Variants in ROCK1 observed in about 807,000 individuals in gnomAD.
ROCK1 encodes Rho associated coiled-coil containing protein kinase 1.
A neutral mutation model predicts 196.8 loss-of-function variants in ROCK1; 36 were observed. The ratio of observed to expected loss-of-function variants is 0.18; its 90% CI spans 0.14 to 0.24. The LOEUF is 0.24. Ranked by LOEUF, ROCK1 falls within the 10% of genes least tolerant of loss-of-function variation. The pLI, the probability that ROCK1 is intolerant of heterozygous loss-of-function variation, is 1.00. For synonymous variants in ROCK1, 443 were observed against 515.9 expected (o/e 0.86, Z 1.91); for missense variants, 920 against 1,562.0 (o/e 0.59, Z 6.93).
intron 9 of ROCK1, among the ~76,000 whole-genome samples, chr18:21,033,574 GA>G (rs1568389515): frequency 6.6e-6 from 1 of 151,836 alleles, no homozygotes; most frequent in Non-Finnish European, 1.5e-5. Flanking sequence ...TCCTATCATA[GA>G]AAACCCTAAA....
intron 13 of ROCK1, among the ~76,000 whole-genome samples, chr18:21,014,039 C>T (rs954411957): frequency 7.0e-6 from 1 of 142,860 alleles, no homozygotes; most frequent in Non-Finnish European, 1.5e-5. Flanking sequence ...GCACTCCAGC[C>T]TGGGAAAAAG....
intron 1 of ROCK1, among the ~76,000 whole-genome samples, chr18:21,071,826 C>T (rs541220219): frequency 1.3e-5 from 2 of 152,228 alleles, no homozygotes; most frequent in African/African-American, 4.8e-5. Context: ...GTTGGGAGAA[C>T]AAGTCACATA....
At chr18:21,063,874 T>A (rs1428599895) in intron 2 of ROCK1, among the ~76,000 whole-genome samples, 1 of 152,236 alleles carries the variant, frequency 6.6e-6, no homozygotes, top group Non-Finnish European at 1.5e-5. Flanking sequence ...TGGTTTATTA[T>A]AACCAGACCA....
chr18:21,025,284 A>G (rs538734906), intron 10 of ROCK1, among the ~76,000 whole-genome samples: 1 of 152,342 alleles, frequency 6.6e-6, no homozygotes, highest in South Asian at 2.1e-4. Context: ...ATCATGTTTA[A>G]TTCAGCTATA....
intron 11 of ROCK1, among the ~76,000 whole-genome samples, chr18:21,021,142 G>A (rs1270304164): frequency 6.6e-6 from 1 of 152,214 alleles, no homozygotes; most frequent in African/African-American, 2.4e-5. Flanking sequence ...TGACCAAACC[G>A]ACTGGAAGTT....
At chr18:21,076,561 T>C (rs1205031077) in intron 1 of ROCK1, among the ~76,000 whole-genome samples, 1 of 152,070 alleles carries the variant, frequency 6.6e-6, no homozygotes, top group African/African-American at 2.4e-5. Context: ...TGTGTGTACA[T>C]ATATATACAC....
At chr18:21,076,244 C>T (rs1342129515) in intron 1 of ROCK1, among the ~76,000 whole-genome samples, 2 of 152,164 alleles carry the variant, frequency 1.3e-5, no homozygotes, top group African/African-American at 4.8e-5. Context: ...TGGCTCATGC[C>T]TGTAATCCCA....
At chr18:21,085,289 G>A (rs1429850155) in intron 1 of ROCK1, among the ~76,000 whole-genome samples, 4 of 127,102 alleles carry the variant, frequency 3.1e-5, no homozygotes, top group African/African-American at 5.8e-5. Flanking sequence ...GGAAAGTGAA[G>A]TGGGAGGATC....
At chr18:21,070,415 G>C (rs2036373945) in intron 2 of ROCK1, 117 bp downstream of exon 2, 1 of 582,110 alleles carries the variant, frequency 1.7e-6, no homozygotes, top group Non-Finnish European at 3.0e-6. Flanking sequence ...ATTCTATGTA[G>C]AAATCATTGA....
At chr18:21,039,750 AT>A (rs1181317582) in intron 8 of ROCK1, among the ~76,000 whole-genome samples, 187 bp from the exon 9 acceptor site, 3 of 152,114 alleles carry the variant, frequency 2.0e-5, no homozygotes, top group Non-Finnish European at 4.4e-5. Flanking sequence ...ACATTAAAGA[AT>A]TTTTTTAAAA....
intron 1 of ROCK1, among the ~76,000 whole-genome samples, chr18:21,092,539 G>A (rs558060520): frequency 9.1e-5 from 12 of 131,808 alleles, no homozygotes; most frequent in Admixed American, 6.1e-4. Context: ...AGCCATGATC[G>A]CACCACTGCA....
intron 18 of ROCK1, among the ~76,000 whole-genome samples, chr18:20,987,876 A>G (rs2035590590): frequency 6.6e-6 from 1 of 152,168 alleles, no homozygotes; most frequent in Non-Finnish European, 1.5e-5. Flanking sequence ...GTTTAATCAA[A>G]CACAAATCCA....
intron 10 of ROCK1, among the ~76,000 whole-genome samples, chr18:21,027,071 T>C (rs1046190019): frequency 2.0e-5 from 3 of 151,960 alleles, no homozygotes; most frequent in East Asian, 3.9e-4. Context: ...CCCAAGTAGC[T>C]GGGATTACAG....
rs11334095 is a variant in ROCK1, at chr18:20,961,818, CTTTTT to C, written c.3353-1617_3353-1613del. On this transcript the variant is annotated intron_variant, in intron 27 of 32. Coordinates refer to ENST00000399799, the MANE Select transcript of ROCK1 (RefSeq NM_005406.3). ...TCTTCTCCCAACATTTTTCTTTTTC[CTTTTT>C]TTTTTTTTTTTTTTTTGACATGAAG... Among the ~76,000 whole-genome samples, 3 of 117,196 alleles carry C rather than the reference CTTTTT, an allele frequency of 2.6e-5. No homozygotes were observed. In the South Asian group the frequency reaches 8.2e-4, roughly 32 times the overall value. The allele number at this position is 117,196 out of a possible 152,430, so 76.9% of individuals were successfully genotyped here. A position where few individuals can be genotyped will look rare whatever the true frequency, so the allele number is the denominator to read the frequency against.
intron 1 of ROCK1, among the ~76,000 whole-genome samples, chr18:21,104,097 T>C (rs188264161): frequency 1.2e-3 from 176 of 152,334 alleles, no homozygotes; most frequent in African/African-American, 4.0e-3. Flanking sequence ...TCTTCAGCAA[T>C]AGAACTCTAT....
chr18:21,092,376 G>A (rs1449246283), intron 1 of ROCK1, among the ~76,000 whole-genome samples: 3 of 152,042 alleles, frequency 2.0e-5, no homozygotes, highest in Admixed American at 2.0e-4. Context: ...GAGCCCAGGA[G>A]TTCAAGACCA....
At chr18:20,993,437 G>A (rs1178522275) in intron 16 of ROCK1, among the ~76,000 whole-genome samples, 6 of 152,140 alleles carry the variant, frequency 3.9e-5, no homozygotes, top group South Asian at 2.1e-4. Context: ...CCCTGACCTC[G>A]TGATCCGCCT....
intron 1 of ROCK1, among the ~76,000 whole-genome samples, chr18:21,086,332 G>A (rs1446270547): frequency 3.9e-5 from 6 of 152,012 alleles, no homozygotes; most frequent in East Asian, 1.9e-4. Context: ...GGCTGGTCTC[G>A]AACTCCCGAC....
At position 20,970,341 on chromosome 18, in the gene ROCK1, C is replaced by T. The variant is rs1045842715; in HGVS notation, c.2820+7G>A. On this transcript the variant is annotated splice_region_variant and intron_variant, in intron 23 of 32. Transcript: ENST00000399799. ...TTTTATATAACTTACCTGACTATCA[C>T]ACTTACCCGACTAACAGTGTGATCT... 5 of 1,610,434 alleles carry T rather than the reference C, an allele frequency of 3.1e-6. No individual in the cohort carries two copies. Among genetic ancestry groups the T allele is most frequent in the Non-Finnish European group, 4.2e-6 (5 of 1,177,266 alleles).
Sources: allele counts gnomAD v4.1 joint callset (sites outside exome capture counted in the v4.1 genomes callset), GRCh38; gene constraint gnomAD v4.1.1; transcripts MANE v1.5; gene names NCBI Gene and HGNC (gene_info 2026-07-23, HGNC 2026-07-21).